Variants in ASIC2 observed in about 807,000 individuals in gnomAD.
The protein encoded by ASIC2 is acid-sensing ion channel 2.
Under a neutral mutation model 57.3 loss-of-function variants are expected in ASIC2, and 25 were observed. The ratio of observed to expected loss-of-function variants is 0.44; its 90% CI spans 0.32 to 0.61. ASIC2 has a LOEUF of 0.61. Among genes scored for constraint, ASIC2 ranks in the 20% least tolerant of loss-of-function variants. The probability of loss-of-function intolerance (pLI) is 0.06; values close to 1 mark genes in which losing one functional copy is unlikely to be tolerated. For synonymous variants in ASIC2, 319 were observed against 307.5 expected, an observed-to-expected ratio of 1.04 and a Z score of -0.39; for missense variants, 641 against 738.1, an observed-to-expected ratio of 0.87 and a Z score of 1.52.
intron 1 of ASIC2, among the ~76,000 whole-genome samples, chr17:33,739,968 GAAGAAAGA>G (rs1017577592): frequency 3.3e-5 from 2 of 60,588 alleles, no homozygotes; most frequent in Non-Finnish European, 5.7e-5. Context: ...AGAAAGAAAA[GAAGAAAGA>G]AAGAAAGAAA....
At chr17:33,827,492 T>C (rs1265071723) in intron 1 of ASIC2, among the ~76,000 whole-genome samples, 5 of 114,056 alleles carry the variant, frequency 4.4e-5, no homozygotes, top group Non-Finnish European at 5.5e-5. Flanking sequence ...CCACCATGCC[T>C]GGCTATTTTT....
intron 1 of ASIC2, among the ~76,000 whole-genome samples, chr17:33,355,061 G>T (rs1160555050): frequency 6.6e-6 from 1 of 152,192 alleles, no homozygotes; most frequent in Non-Finnish European, 1.5e-5. Flanking sequence ...GTGGGTATGT[G>T]TATATTCGGA....
At chr17:34,023,378 A>AACAC (rs59456457) in intron 1 of ASIC2, among the ~76,000 whole-genome samples, 67,742 of 147,394 alleles carry the variant, frequency 0.46, 15,793 homozygotes, top group Non-Finnish European at 0.51. Context: ...CTCTGTCACA[A>AACAC]ACACACACAC....
At chr17:33,528,186 G>GTGTGTGTGTGTGTGTGT (rs1567640142) in intron 1 of ASIC2, among the ~76,000 whole-genome samples, 7 of 151,618 alleles carry the variant, frequency 4.6e-5, no homozygotes, top group South Asian at 2.1e-4. Context: ...GTGTGTGTGT[G>GTGTGTGTGTGTGTGTGT]GTTTCCAGCT....
At chr17:33,780,522 T>G (rs2142128081) in intron 1 of ASIC2, among the ~76,000 whole-genome samples, 1 of 152,352 alleles carries the variant, frequency 6.6e-6, no homozygotes, top group East Asian at 1.9e-4. Context: ...TATAGGTTGT[T>G]GGAAGAACAC....
chr17:33,383,054 C>CAAACAAACAA, intron 1 of ASIC2, among the ~76,000 whole-genome samples: 1 of 59,028 alleles, frequency 1.7e-5, no homozygotes, highest in Non-Finnish European at 3.9e-5. Flanking sequence ...CAAACAAACA[C>CAAACAAACAA]CACACACAAA....
At position 33,291,494 on chromosome 17, in the gene ASIC2, T is replaced by G; in HGVS notation, c.622A>C (p.Met208Leu). The G allele has an allele frequency of 1.9e-6, 3 of 1,612,688 alleles. No individual in the cohort carries two copies. Among genetic ancestry groups the G allele is most frequent in the Non-Finnish European group, 1.7e-6 (2 of 1,179,782 alleles). ...RHFEGISAAF[M>L]DRLGHQLEDM... The stretch of plus-strand genomic sequence containing the variant: ...TCCAGCTGGTGGCCCAGGCGGTCCA[T>G]GAAGGCGGCGCTGATTCCCTCGAAG... Residue 208 changes from methionine (M) to leucine (L), a missense_variant, in exon 1 of 10, where the codon ATG becomes CTG. Physicochemically the swap from Met to Leu is conservative, Grantham distance 15. Around this residue, in one of 3 missense-constraint regions of ASIC2, gnomAD observed 382 missense variants for 398.0 expected, o/e 0.96. Coordinates refer to ENST00000225823, the MANE Select transcript of ASIC2 (RefSeq NM_183377.2).
intron 1 of ASIC2, among the ~76,000 whole-genome samples, chr17:33,910,274 G>A (rs1915434180): frequency 6.6e-6 from 1 of 152,172 alleles, no homozygotes; most frequent in Non-Finnish European, 1.5e-5. Context: ...AGCACTCACT[G>A]TGTGGCAGAC....
chr17:34,145,624 C>G (rs982764897), intron 1 of ASIC2, among the ~76,000 whole-genome samples: 1 of 152,308 alleles, frequency 6.6e-6, no homozygotes. Flanking sequence ...TAGCTCTGCT[C>G]CCTGGCTTCA....
chr17:33,747,222 CTTTT>C (rs61564362), intron 1 of ASIC2, among the ~76,000 whole-genome samples: 3 of 116,808 alleles, frequency 2.6e-5, no homozygotes, highest in African/African-American at 6.9e-5. Context: ...ATCCAGCCGT[CTTTT>C]TTTTTTTTTT....
At chr17:33,369,982 C>T (rs1908982616) in intron 1 of ASIC2, among the ~76,000 whole-genome samples, 1 of 152,146 alleles carries the variant, frequency 6.6e-6, no homozygotes, top group Admixed American at 6.5e-5. Context: ...GCATTGTCTC[C>T]CAAAGAGGTC....
chr17:33,026,502 C>T (rs1259811801), intron 4 of ASIC2, among the ~76,000 whole-genome samples: 1 of 152,222 alleles, frequency 6.6e-6, no homozygotes, highest in Non-Finnish European at 1.5e-5. Context: ...TCAGTCTGAT[C>T]CAGAGCCTGG....
intron 1 of ASIC2, among the ~76,000 whole-genome samples, chr17:33,823,726 T>C (rs1912820350): frequency 6.6e-6 from 1 of 152,236 alleles, no homozygotes; most frequent in African/African-American, 2.4e-5. Flanking sequence ...CTGGGTTAGA[T>C]AGAAGGCAGA....
At chr17:33,767,238 T>C (rs750837114) in intron 1 of ASIC2, among the ~76,000 whole-genome samples, 2 of 152,210 alleles carry the variant, frequency 1.3e-5, no homozygotes, top group Non-Finnish European at 2.9e-5. Flanking sequence ...TTTCTGCTGG[T>C]CTCTCTTTGT....
chr17:33,565,404 A>G (rs1916202853), intron 1 of ASIC2, among the ~76,000 whole-genome samples: 1 of 152,204 alleles, frequency 6.6e-6, no homozygotes, highest in African/African-American at 2.4e-5. Flanking sequence ...GGGACTTGAA[A>G]GCAGAACTTC....
chr17:34,015,773 A>C (rs1906927938), intron 1 of ASIC2, among the ~76,000 whole-genome samples: 1 of 152,266 alleles, frequency 6.6e-6, no homozygotes, highest in Non-Finnish European at 1.5e-5. Flanking sequence ...GTCCTTGTGA[A>C]ATAGTAAGAC....
At chr17:33,329,039 A>C (rs1384018083) in intron 1 of ASIC2, among the ~76,000 whole-genome samples, 1 of 152,134 alleles carries the variant, frequency 6.6e-6, no homozygotes, top group African/African-American at 2.4e-5. Context: ...ATTTAAGAAT[A>C]CACTTCTATA....
rs138743283 is a variant in ASIC2, at chr17:33,894,920, A to G, written c.555+261058T>C. On this transcript the variant is annotated intron_variant, in intron 1 of 9. Transcript: ENST00000359872. ...TCTGCACTCCTGGAGTACAGGGAGGATGCACCCCATGCATCCTGAATGCAT... is the reference window on the plus strand; with the variant it reads ...TCTGCACTCCTGGAGTACAGGGAGGGTGCACCCCATGCATCCTGAATGCAT... 2.2e-3 allele frequency among the ~76,000 whole-genome samples: 340 copies of G among 152,174 alleles called. 2 individuals carry two copies. Among genetic ancestry groups the G allele is most frequent in the African/African-American group, 8.0e-3 (330 of 41,508 alleles).
At chr17:33,628,201 G>C (rs1906047560) in intron 1 of ASIC2, among the ~76,000 whole-genome samples, 1 of 152,100 alleles carries the variant, frequency 6.6e-6, no homozygotes, top group Admixed American at 6.6e-5. Context: ...TGGGGACCTA[G>C]TCTGATTCAG....
Sources: allele counts gnomAD v4.1 joint callset (sites outside exome capture counted in the v4.1 genomes callset), GRCh38; gene constraint gnomAD v4.1.1; regional missense constraint gnomAD v4.1.1; transcripts MANE v1.5; gene names NCBI Gene and HGNC (gene_info 2026-07-23, HGNC 2026-07-21).